IQCK: variants seen among roughly 807,000 people sequenced by gnomAD.
IQCK encodes the protein IQ domain-containing protein K.
Under a neutral mutation model 28.1 loss-of-function variants are expected in IQCK, and 29 were observed. The ratio of observed to expected loss-of-function variants is 1.03; its 90% CI spans 0.77 to 1.41. The LOEUF (loss-of-function observed/expected upper bound fraction) is 1.41, where lower values mean the gene tolerates loss of function less well. IQCK is among the 40% of genes most tolerant of loss of function. The pLI is 0.00. For missense variants in IQCK, 359 were observed against 314.7 expected (o/e 1.14, Z -1.07); for synonymous variants, 113 against 115.1 (o/e 0.98, Z 0.12).
chr16:19,804,323 G>A (rs2055804534), intron 7 of IQCK, among the ~76,000 whole-genome samples: 1 of 151,686 alleles, frequency 6.6e-6, no homozygotes, highest in Non-Finnish European at 1.5e-5. Context: ...CAGCCTGGGT[G>A]ACAGAGGGAG....
intron 6 of IQCK, among the ~76,000 whole-genome samples, chr16:19,769,149 T>G (rs2055283482): frequency 6.6e-6 from 1 of 152,188 alleles, no homozygotes; most frequent in Non-Finnish European, 1.5e-5. Flanking sequence ...AGTGAAAGAT[T>G]TGGGCACAAG....
At chr16:19,778,427 G>A (rs968133683) in intron 6 of IQCK, among the ~76,000 whole-genome samples, 8 of 152,046 alleles carry the variant, frequency 5.3e-5, no homozygotes, top group African/African-American at 1.7e-4. Flanking sequence ...AGGCCGAGGC[G>A]GGAGGATTGC....
At chr16:19,718,590 C>T in intron 1 of IQCK, 103 bp downstream of exon 1, 1 of 1,076,522 alleles carries the variant, frequency 9.3e-7, no homozygotes, top group Non-Finnish European at 1.2e-6. Context: ...CGGGCGGGGC[C>T]GCCGGGCAGC....
intron 4 of IQCK, among the ~76,000 whole-genome samples, chr16:19,743,906 G>C (rs1165560127): frequency 6.6e-6 from 1 of 152,242 alleles, no homozygotes; most frequent in Non-Finnish European, 1.5e-5. Flanking sequence ...CAGAGAAACA[G>C]CAAGAGCTGG....
At chr16:19,742,613 A>C (rs1389718908) in intron 4 of IQCK, among the ~76,000 whole-genome samples, 1 of 152,228 alleles carries the variant, frequency 6.6e-6, no homozygotes. Context: ...CTGAACTTGC[A>C]TCCAATTGGC....
At chr16:19,852,619 C>CTTTTT (rs768835414) in intron 9 of IQCK, among the ~76,000 whole-genome samples, 4 of 135,284 alleles carry the variant, frequency 3.0e-5, no homozygotes, top group Non-Finnish European at 4.8e-5. Context: ...TTTCCTTCAA[C>CTTTTT]TTTTTTTTTT....
chr16:19,719,360 A>G (rs1977397785), intron 1 of IQCK, among the ~76,000 whole-genome samples: 2 of 151,942 alleles, frequency 1.3e-5, no homozygotes, highest in African/African-American at 4.8e-5. Flanking sequence ...CAGATTTTTC[A>G]TTCGTGTGGC....
intron 4 of IQCK, among the ~76,000 whole-genome samples, chr16:19,739,751 T>G (rs527856730): frequency 6.6e-6 from 1 of 151,970 alleles, no homozygotes; most frequent in Admixed American, 6.5e-5. Flanking sequence ...GGAAGTTGAG[T>G]CTGCAGTGAA....
chr16:19,762,711 T>C (rs924630981), intron 4 of IQCK, among the ~76,000 whole-genome samples: 25 of 152,092 alleles, frequency 1.6e-4, no homozygotes, highest in African/African-American at 5.8e-4. Context: ...CCCCGTGCAG[T>C]CAAAAATCCA....
At chr16:19,811,621 C>G (rs958745229) in intron 7 of IQCK, among the ~76,000 whole-genome samples, 4 of 152,194 alleles carry the variant, frequency 2.6e-5, no homozygotes, top group African/African-American at 9.6e-5. Context: ...CTTCATGAGT[C>G]ACAGAGATAG....
chr16:19,842,469 AAACC>A (rs2056372564), intron 9 of IQCK, among the ~76,000 whole-genome samples: 2 of 152,230 alleles, frequency 1.3e-5, no homozygotes, highest in African/African-American at 4.8e-5. Context: ...TTTGGCTTAC[AAACC>A]AAGGTACCTT....
intron 4 of IQCK, among the ~76,000 whole-genome samples, chr16:19,757,351 A>G (rs2055067263): frequency 6.6e-6 from 1 of 152,188 alleles, no homozygotes; most frequent in Non-Finnish European, 1.5e-5. Flanking sequence ...TTGGTACAAA[A>G]TACTGTCTGG....
At chr16:19,726,796 A>G (rs949310442) in intron 1 of IQCK, among the ~76,000 whole-genome samples, 4 of 152,220 alleles carry the variant, frequency 2.6e-5, no homozygotes, top group Non-Finnish European at 5.9e-5. Flanking sequence ...GTGAGACAAC[A>G]GATCCAGGCA....
intron 9 of IQCK, among the ~76,000 whole-genome samples, chr16:19,853,322 C>T (rs1253837270): frequency 6.6e-6 from 1 of 152,172 alleles, no homozygotes; most frequent in African/African-American, 2.4e-5. Flanking sequence ...CTCGGTCCTC[C>T]CCCATGAACA....
intron 7 of IQCK, among the ~76,000 whole-genome samples, chr16:19,805,963 G>A (rs1277949204): frequency 6.6e-6 from 1 of 152,140 alleles, no homozygotes; most frequent in Admixed American, 6.5e-5. Context: ...ACTTCTGGGT[G>A]GGGAGCCACA....
chr16:19,781,566 A>G (rs758032698), intron 6 of IQCK, among the ~76,000 whole-genome samples: 10 of 152,220 alleles, frequency 6.6e-5, no homozygotes, highest in Non-Finnish European at 1.2e-4. Context: ...TCGTATGTTC[A>G]CAGAAGGCTG....
intron 1 of IQCK, among the ~76,000 whole-genome samples, chr16:19,718,884 C>G (rs1423427836): frequency 2.0e-5 from 3 of 152,212 alleles, no homozygotes; most frequent in African/African-American, 7.2e-5. Flanking sequence ...AATTGGGATG[C>G]AGGGAATCTG....
downstream of IQCK, among the ~76,000 whole-genome samples, chr16:19,827,374 G>T (rs1037369663): frequency 6.6e-6 from 1 of 152,132 alleles, no homozygotes; most frequent in Non-Finnish European, 1.5e-5. Flanking sequence ...CCCTGTGTCT[G>T]CAGTTTCTAT....
intron 7 of IQCK, among the ~76,000 whole-genome samples, chr16:19,820,970 G>A (rs116160204): frequency 1.3e-5 from 2 of 152,280 alleles, no homozygotes; most frequent in African/African-American, 2.4e-5. Context: ...AAAGATGCTC[G>A]ATGTCATTAA....
Sources: gnomAD v4.1 joint callset for allele counts (sites outside exome capture counted in the v4.1 genomes callset) on GRCh38, gnomAD v4.1.1 for gene constraint, MANE v1.5 for transcripts, NCBI Gene and HGNC (gene_info 2026-07-23, HGNC 2026-07-21) for gene names.